PALLD: variants seen among roughly 807,000 people sequenced by gnomAD.
PALLD encodes palladin, cytoskeletal associated protein, also known as palladin.
PALLD carries 61 observed loss-of-function variants against 123.5 expected under a neutral mutation model. The observed-to-expected ratio is 0.49, with a 90% CI of 0.40 to 0.61. The LOEUF (loss-of-function observed/expected upper bound fraction) is 0.61. Ranked by LOEUF, PALLD falls within the 20% of genes least tolerant of loss-of-function variation. PALLD has a pLI of 0.00. For missense variants in PALLD, 1,273 were observed against 1,377.0 expected, an observed-to-expected ratio of 0.92 and a Z score of 1.20; for synonymous variants, 465 against 496.4, an observed-to-expected ratio of 0.94 and a Z score of 0.84.
intron 2 of PALLD, among the ~76,000 whole-genome samples, chr4:168,644,109 A>G (rs556596455): frequency 4.6e-4 from 63 of 138,154 alleles, no homozygotes; most frequent in African/African-American, 1.5e-3. Flanking sequence ...TTTTTTTTTA[A>G]TGGAATCTCA....
At chr4:168,651,618 G>T (rs1778051498) in intron 2 of PALLD, among the ~76,000 whole-genome samples, 1 of 152,012 alleles carries the variant, frequency 6.6e-6, no homozygotes. Context: ...TTAGTCACTG[G>T]CCAGAAAACC....
intron 10 of PALLD, among the ~76,000 whole-genome samples, chr4:168,846,660 A>C (rs1032082039): frequency 1.3e-5 from 2 of 152,184 alleles, no homozygotes; most frequent in Non-Finnish European, 2.9e-5. Context: ...TTACCATTCA[A>C]ATACATGTAA....
In PALLD at chr4:168,869,831, ATGCAGCTGACTGACTCCTTG is replaced by A. The variant is rs1750839734; in HGVS notation, c.1965-21086_1965-21067del. Among the ~76,000 whole-genome samples, 1 of 152,190 alleles carries A rather than the reference ATGCAGCTGACTGACTCCTTG, an allele frequency of 6.6e-6. No homozygotes were observed. The highest frequency in any genetic ancestry group is 1.9e-4 in the East Asian group (1 of 5,202). ...TTAGAGAGATCAGGGAGTGAGAGTG[ATGCAGCTGACTGACTCCTTG>A]TGCAAAGAGGAGTGTAAAGTTTAGA... On this transcript the variant is annotated intron_variant, in intron 10 of 21. Transcript: ENST00000505667. The surrounding 1 kb of genome is among the most constrained non-coding windows in gnomAD (Gnocchi z 4.5).
chr4:168,685,358 G>A, intron 5 of PALLD, 127 bp from the exon 6 acceptor site: 2 of 754,478 alleles, frequency 2.7e-6, no homozygotes, highest in East Asian at 2.4e-5. Flanking sequence ...GCAAAATGAT[G>A]TATGGTGGTA....
chr4:168,526,297 T>C (rs1016030235), intron 2 of PALLD, among the ~76,000 whole-genome samples: 3 of 152,240 alleles, frequency 2.0e-5, no homozygotes, highest in Non-Finnish European at 4.4e-5. Flanking sequence ...TGCCTTTGGA[T>C]AGTTTTCTGG....
intron 10 of PALLD, among the ~76,000 whole-genome samples, chr4:168,836,357 C>T (rs1013161587): frequency 6.6e-6 from 1 of 152,184 alleles, no homozygotes; most frequent in Non-Finnish European, 1.5e-5. Context: ...CTGCCATTTG[C>T]AGACAAGGTG....
At chr4:168,722,251 G>T (rs1289731374) in intron 10 of PALLD, among the ~76,000 whole-genome samples, 1 of 151,930 alleles carries the variant, frequency 6.6e-6, no homozygotes, top group Non-Finnish European at 1.5e-5. Context: ...TGCCATTGTT[G>T]CCCAGCCAGG....
rs796761323 is a variant in PALLD, at chr4:168,926,495, T to TA, written c.*325dup. 172 of 606,538 alleles carry TA rather than the reference T, an allele frequency of 2.8e-4. No individual in the cohort carries two copies. Among genetic ancestry groups the TA allele is most frequent in the Non-Finnish European group, 3.8e-4 (143 of 372,178 alleles). The allele number at this position is 606,538 out of a possible 1,614,324, so 37.6% of individuals were successfully genotyped here. A position where few individuals can be genotyped will look rare whatever the true frequency, so the allele number is the denominator to read the frequency against. ...AAACATACCTTTGACTATAAGAAAT[T>TA]AAAAAAAAAACACCAAAATAATATT... On this transcript the variant is annotated 3_prime_UTR_variant, in exon 22 of 22. Coordinates refer to ENST00000505667, the MANE Select transcript of PALLD (RefSeq NM_001166108.2).
chr4:168,741,173 T>G (rs1788289491), intron 10 of PALLD, among the ~76,000 whole-genome samples: 1 of 152,122 alleles, frequency 6.6e-6, no homozygotes, highest in Non-Finnish European at 1.5e-5. Context: ...TCTTATCCAG[T>G]TGGTACTGCT....
intron 10 of PALLD, among the ~76,000 whole-genome samples, chr4:168,758,209 T>C (rs930878853): frequency 1.5e-4 from 23 of 152,234 alleles, no homozygotes; most frequent in Non-Finnish European, 3.2e-4. Flanking sequence ...TATTTTTTTT[T>C]TAATGTTTAA....
intron 10 of PALLD, among the ~76,000 whole-genome samples, chr4:168,812,822 A>G (rs568314348): frequency 1.3e-5 from 2 of 152,260 alleles, no homozygotes; most frequent in African/African-American, 4.8e-5. Context: ...GCACTTAAAC[A>G]AAGGTAGGGA....
chr4:168,903,982 T>A, intron 15 of PALLD, 76 bp downstream of exon 15: 1 of 1,353,360 alleles, frequency 7.4e-7, no homozygotes, highest in South Asian at 1.2e-5. Flanking sequence ...AGGAACTATT[T>A]AAAAGGTGAA....
chr4:168,639,885 C>T (rs868424736), intron 2 of PALLD, among the ~76,000 whole-genome samples: 8 of 152,138 alleles, frequency 5.3e-5, no homozygotes, highest in South Asian at 4.1e-4. Flanking sequence ...AGTTAAGTCT[C>T]CCCTTAGCTT....
chr4:168,887,157 G>A (rs1753486927), intron 10 of PALLD, among the ~76,000 whole-genome samples: 1 of 149,808 alleles, frequency 6.7e-6, no homozygotes, highest in African/African-American at 2.4e-5. Flanking sequence ...AGAATAATCA[G>A]TTTTTACTTG....
At chr4:168,716,720 A>T (rs1051337970) in intron 10 of PALLD, among the ~76,000 whole-genome samples, 1 of 152,260 alleles carries the variant, frequency 6.6e-6, no homozygotes, top group Non-Finnish European at 1.5e-5. Flanking sequence ...AGTAAAGTAC[A>T]TCTTAATAAG....
Position 168,921,516 on chromosome 4 carries a change from A to G in PALLD, c.2851-18A>G. ...TGTTTTAATACAAAAATTTACATGT[A>G]TTTCTTTTATGATTTAGGTCAGTGG... is the stretch of plus-strand genomic sequence containing the variant. On this transcript the variant is annotated intron_variant, in intron 17 of 21. Coordinates refer to ENST00000505667, the MANE Select transcript of PALLD (RefSeq NM_001166108.2). 1 of 1,535,686 alleles carries G rather than the reference A, an allele frequency of 6.5e-7. No individual in the cohort carries two copies. Among genetic ancestry groups the G allele is most frequent in the Non-Finnish European group, 8.9e-7 (1 of 1,128,992 alleles).
intron 1 of PALLD, among the ~76,000 whole-genome samples, chr4:168,505,682 C>T (rs1263369954): frequency 6.6e-6 from 1 of 152,204 alleles, no homozygotes; most frequent in Non-Finnish European, 1.5e-5. Flanking sequence ...CTTTCTAAAC[C>T]AGAGGCTGCT....
intron 1 of PALLD, among the ~76,000 whole-genome samples, chr4:168,508,252 A>G (rs1464765584): frequency 1.3e-5 from 2 of 152,212 alleles, no homozygotes; most frequent in Non-Finnish European, 2.9e-5. Context: ...GTACCCCATA[A>G]TTATGTATAA....
chr4:168,782,893 C>T (rs528846267), intron 10 of PALLD, among the ~76,000 whole-genome samples: 5 of 151,640 alleles, frequency 3.3e-5, no homozygotes, highest in African/African-American at 9.7e-5. Flanking sequence ...CCAGCCTGGG[C>T]GACAGAGTGA....
Sources: allele counts gnomAD v4.1 joint callset (sites outside exome capture counted in the v4.1 genomes callset), GRCh38; gene constraint gnomAD v4.1.1; non-coding constraint Gnocchi (gnomAD v3.1); transcripts MANE v1.5; gene names NCBI Gene and HGNC (gene_info 2026-07-23, HGNC 2026-07-21).